SLC38A9: variants seen among roughly 807,000 people sequenced by gnomAD.
SLC38A9 encodes solute carrier family 38 member 9.
SLC38A9 carries 48 observed loss-of-function variants against 62.3 expected under a neutral mutation model. The observed-to-expected ratio is 0.77, with a 90% CI of 0.61 to 0.98. SLC38A9 has a LOEUF of 0.98. Among genes scored for constraint, SLC38A9 ranks in the 50% least tolerant of loss-of-function variants. The probability of loss-of-function intolerance (pLI) is 0.00; values close to 1 mark genes in which losing one functional copy is unlikely to be tolerated. For synonymous variants in SLC38A9, 204 were observed against 227.7 expected (o/e 0.90, Z 0.94); for missense variants, 541 against 679.8 (o/e 0.80, Z 2.27).
rs566336322 is a variant in SLC38A9, at chr5:55,648,157, T to C, written c.1060+1050A>G. ...AGGAGGCTGAGGCAGGAGAATCACT[T>C]GAACCTGGGAGGGGGAAGGTGCAGT... is the stretch of plus-strand genomic sequence containing the variant. On this transcript the variant is annotated intron_variant, in intron 11 of 15. Coordinates refer to ENST00000396865, the MANE Select transcript of SLC38A9 (RefSeq NM_173514.4). Among the ~76,000 whole-genome samples, 33 of 152,268 alleles carry C rather than the reference T, an allele frequency of 2.2e-4. No homozygotes were observed. The South Asian group carries it at 6.4e-3, about 30-fold the overall frequency.
intron 13 of SLC38A9, chr5:55,634,760 G>A (rs1744065400): frequency 6.6e-6 from 1 of 152,112 alleles, no homozygotes; most frequent in African/African-American, 2.4e-5. Context: ...TAATTCAGCT[G>A]TAATAAATCA....
intron 8 of SLC38A9, among the ~76,000 whole-genome samples, chr5:55,662,333 A>G (rs1187211062): frequency 6.6e-6 from 1 of 152,184 alleles, no homozygotes; most frequent in Non-Finnish European, 1.5e-5. Flanking sequence ...GTATTAACAG[A>G]GATGATGAAA....
chr5:55,626,882 C>T (rs1319859191), intron 15 of SLC38A9, among the ~76,000 whole-genome samples: 1 of 152,144 alleles, frequency 6.6e-6, no homozygotes, highest in Non-Finnish European at 1.5e-5. Context: ...ATCTGCTTAA[C>T]AAAGACTTTT....
chr5:55,692,773 C>T, intron 3 of SLC38A9: 2 of 985,298 alleles, frequency 2.0e-6, no homozygotes, highest in Non-Finnish European at 2.4e-6. Context: ...TCACAGTGGT[C>T]AATTATTTAT....
At chr5:55,686,442 C>T (rs370919108) in intron 3 of SLC38A9, among the ~76,000 whole-genome samples, 1 of 152,072 alleles carries the variant, frequency 6.6e-6, no homozygotes, top group South Asian at 2.1e-4. Context: ...TCTGCCTATT[C>T]ATTTCTTTGC....
At chr5:55,698,506 A>G (rs983104349) in intron 2 of SLC38A9, among the ~76,000 whole-genome samples, 1 of 152,206 alleles carries the variant, frequency 6.6e-6, no homozygotes, top group African/African-American at 2.4e-5. Context: ...GAATTATTAT[A>G]ATAATAAATC....
At chr5:55,697,296 T>C (rs569091344) in intron 3 of SLC38A9, 4 of 153,138 alleles carry the variant, frequency 2.6e-5, no homozygotes, top group East Asian at 1.9e-4. Context: ...ACCATTTCTA[T>C]GTATTTTATT....
intron 9 of SLC38A9, among the ~76,000 whole-genome samples, chr5:55,654,053 G>C (rs1450323360): frequency 6.6e-6 from 1 of 151,990 alleles, no homozygotes; most frequent in East Asian, 1.9e-4. Flanking sequence ...TGTCACAGTA[G>C]AGCTTTTGCT....
At chr5:55,692,926 T>C in intron 3 of SLC38A9, 1 of 981,062 alleles carries the variant, frequency 1.0e-6, no homozygotes. Flanking sequence ...TAAATGACAA[T>C]GATAAATTTC....
chr5:55,637,491 C>G (rs1744625147), intron 12 of SLC38A9, among the ~76,000 whole-genome samples: 1 of 152,240 alleles, frequency 6.6e-6, no homozygotes, highest in African/African-American at 2.4e-5. Context: ...TGTCCCTTGA[C>G]ATCCCTAAAA....
At chr5:55,661,417 C>T (rs1400192603) in intron 8 of SLC38A9, among the ~76,000 whole-genome samples, 2 of 132,234 alleles carry the variant, frequency 1.5e-5, no homozygotes, top group East Asian at 4.5e-4. Flanking sequence ...GGCACTCAAG[C>T]CTGGGTGACA....
intron 1 of SLC38A9, among the ~76,000 whole-genome samples, 156 bp downstream of exon 1, chr5:55,712,061 G>A (rs1200495406): frequency 6.6e-6 from 1 of 152,154 alleles, no homozygotes; most frequent in African/African-American, 2.4e-5. Context: ...TGGCCTCCCT[G>A]AGCCCCAAAA....
intron 2 of SLC38A9, among the ~76,000 whole-genome samples, chr5:55,700,864 C>G (rs1244363226): frequency 6.6e-6 from 1 of 152,112 alleles, no homozygotes; most frequent in Non-Finnish European, 1.5e-5. Context: ...CGTCACTGGT[C>G]CCTCCTCCTT....
chr5:55,681,553 G>T (rs13181161), intron 3 of SLC38A9, among the ~76,000 whole-genome samples: 1 of 151,972 alleles, frequency 6.6e-6, no homozygotes, highest in South Asian at 2.1e-4. Context: ...TTTGCTTCAG[G>T]GTTTAGGAGA....
intron 11 of SLC38A9, among the ~76,000 whole-genome samples, chr5:55,647,578 T>C (rs781380363): frequency 2.0e-4 from 31 of 152,266 alleles, no homozygotes; most frequent in Non-Finnish European, 3.7e-4. Context: ...TTTAGCTGAA[T>C]TTCCTGTCTC....
At chr5:55,645,686 C>T in intron 12 of SLC38A9, 103 bp downstream of exon 12, 1 of 784,172 alleles carries the variant, frequency 1.3e-6, no homozygotes, top group Admixed American at 2.9e-5. Flanking sequence ...GATCTTGTAA[C>T]AAAATTGCCT....
rs1043649403 is a variant in SLC38A9, at chr5:55,626,380, T to C, written c.*114A>G. ...CACTATTTCCCTTGCTTTCAAATTA[T>C]CTTAGAAAATATTTAGAATTACACA... On this transcript the variant is annotated 3_prime_UTR_variant, in exon 16 of 16. Coordinates refer to ENST00000396865, the MANE Select transcript of SLC38A9 (RefSeq NM_173514.4). 3 of 986,024 alleles carry C rather than the reference T, an allele frequency of 3.0e-6. No homozygotes were observed. The African/African-American group carries it at 4.9e-5, about 16-fold the overall frequency. The allele number at this position is 986,024 out of a possible 1,614,324, so 61.1% of individuals were successfully genotyped here. A position where few individuals can be genotyped will look rare whatever the true frequency, so the allele number is the denominator to read the frequency against.
At chr5:55,633,679 CA>C (rs1743896990) in intron 14 of SLC38A9, 74 bp downstream of exon 14, 5 of 1,593,780 alleles carry the variant, frequency 3.1e-6, no homozygotes, top group African/African-American at 1.3e-5. Flanking sequence ...AAGGATCAGT[CA>C]CACTTTAAAC....
At chr5:55,637,387 T>A (rs73123881) in intron 12 of SLC38A9, among the ~76,000 whole-genome samples, 7,462 of 152,306 alleles carry the variant, frequency 0.049, 312 homozygotes, top group African/African-American at 0.12. Context: ...TATCTCAAAT[T>A]CAGCAACTAT....
Sources: allele counts gnomAD v4.1 joint callset (sites outside exome capture counted in the v4.1 genomes callset), GRCh38; gene constraint gnomAD v4.1.1; transcripts MANE v1.5; gene names NCBI Gene and HGNC (gene_info 2026-07-23, HGNC 2026-07-21).